TRIM33: variants seen among roughly 807,000 people sequenced by gnomAD.
The protein encoded by TRIM33 is E3 ubiquitin-protein ligase TRIM33.
TRIM33 carries 20 observed loss-of-function variants against 125.4 expected under a neutral mutation model. The ratio of observed to expected loss-of-function variants is 0.16; its 90% confidence interval spans 0.11 to 0.23. The LOEUF (loss-of-function observed/expected upper bound fraction) is 0.23, where lower values mean the gene tolerates loss of function less well. Among genes scored for constraint, TRIM33 ranks in the 10% least tolerant of loss-of-function variants. The probability of loss-of-function intolerance (pLI) is 1.00; values close to 1 mark genes in which losing one functional copy is unlikely to be tolerated. For missense variants in TRIM33, 920 were observed against 1,411.4 expected, an observed-to-expected ratio of 0.65 and a Z score of 5.58; for synonymous variants, 564 against 513.9, an observed-to-expected ratio of 1.10 and a Z score of -1.32.
At chr1:114,468,653 A>C (rs1650453451) in intron 1 of TRIM33, 3 of 432,134 alleles carry the variant, frequency 6.9e-6, no homozygotes, top group South Asian at 5.3e-5. Context: ...CAGCTGAACC[A>C]GAGTATGACC....
At chr1:114,415,965 A>G (rs1354317801) in intron 11 of TRIM33, among the ~76,000 whole-genome samples, 4 of 150,168 alleles carry the variant, frequency 2.7e-5, no homozygotes, top group South Asian at 2.1e-4. Context: ...AAAAAAAAAA[A>G]GCACAACAGC....
intron 1 of TRIM33, 61 bp from the exon 2 acceptor site, chr1:114,464,449 T>G: frequency 1.1e-6 from 1 of 943,234 alleles, no homozygotes; most frequent in Non-Finnish European, 1.6e-6. Context: ...TTGTGCATGA[T>G]GTCCATATAG....
chr1:114,463,383 T>C lies in TRIM33; in HGVS notation c.790+29A>G, dbSNP rs377058884. The stretch of plus-strand genomic sequence containing the variant: ...AAAAGAAGGAGGTTAACTGTAATCA[T>C]TGTAATGATTACAATGCATCTATCT... On this transcript the variant is annotated intron_variant, in intron 3 of 19. Transcript: ENST00000358465. 1.6e-4 allele frequency: 260 copies of C among 1,600,390 alleles called. No homozygotes were observed. In the African/African-American group the frequency reaches 2.3e-3, roughly 14 times the overall value.
chr1:114,410,107 G>C, intron 12 of TRIM33, 77 bp downstream of exon 12: 3 of 1,531,838 alleles, frequency 2.0e-6, no homozygotes, highest in South Asian at 1.1e-5. Flanking sequence ...TGTTTTTCTG[G>C]AGAATTCTGA....
intron 6 of TRIM33, among the ~76,000 whole-genome samples, chr1:114,428,481 T>G (rs956799729): frequency 6.6e-6 from 1 of 151,940 alleles, no homozygotes; most frequent in African/African-American, 2.4e-5. Flanking sequence ...AAAGGAAAAA[T>G]AAACTGCTTT....
At chr1:114,493,390 A>T (rs1185188155) in intron 1 of TRIM33, among the ~76,000 whole-genome samples, 4 of 152,114 alleles carry the variant, frequency 2.6e-5, no homozygotes, top group Non-Finnish European at 5.9e-5. Context: ...TTACATTTTG[A>T]TCAAGTCCGA....
intron 15 of TRIM33, among the ~76,000 whole-genome samples, chr1:114,403,425 C>T (rs142739038): frequency 1.3e-5 from 2 of 152,162 alleles, no homozygotes; most frequent in African/African-American, 4.8e-5. Context: ...GGCTGGAGGG[C>T]AGTGGCATAA....
Position 114,425,548 on chromosome 1 carries a change from T to C in TRIM33, c.1596A>G (p.Gln532=), listed in dbSNP as rs765638589. ...QVYAQKHQQL[Q]QMRMQQPPAP... ...CTGGTGGTTGCTGCATCCTCATCTG[T>C]TGCAACTGCTGATGTTTCTGTGCAT... is the stretch of plus-strand genomic sequence containing the variant. The change falls in exon 9 of 20, where the codon CAA becomes CAG. Residue 532 remains glutamine, a synonymous_variant. Transcript: ENST00000358465. 8 of 1,614,038 alleles carry C rather than the reference T, an allele frequency of 5.0e-6. No homozygotes were observed. In the East Asian group the frequency reaches 1.8e-4, roughly 36 times the overall value.
chr1:114,408,662 T>C lies in TRIM33; in HGVS notation c.2258+15A>G. Reference sequence around the variant, plus strand: ...TCTTAACAAAAAGGAAAAAAATAATTATCAATATACTCACCTGCCTCGACT... The same window carrying C: ...TCTTAACAAAAAGGAAAAAAATAATCATCAATATACTCACCTGCCTCGACT... On this transcript the variant is annotated intron_variant, in intron 13 of 19. Coordinates refer to ENST00000358465, the MANE Select transcript of TRIM33 (RefSeq NM_015906.4). 6.5e-7 allele frequency: 1 copy of C among 1,548,740 alleles called. No individual in the cohort carries two copies. Among genetic ancestry groups the C allele is most frequent in the South Asian group, 1.2e-5 (1 of 84,898 alleles).
At chr1:114,436,218 T>C (rs1226535450) in intron 4 of TRIM33, among the ~76,000 whole-genome samples, 6 of 151,254 alleles carry the variant, frequency 4.0e-5, no homozygotes, top group Non-Finnish European at 8.8e-5. Flanking sequence ...CTGGACAACA[T>C]GGTGAAACCC....
chr1:114,416,205 G>A (rs115564666), intron 11 of TRIM33, among the ~76,000 whole-genome samples: 1,938 of 152,142 alleles, frequency 0.013, 22 homozygotes, highest in Middle Eastern at 0.044. Context: ...CTAATAAAAG[G>A]ATTCCATATT....
intron 11 of TRIM33, among the ~76,000 whole-genome samples, chr1:114,412,824 C>T (rs551271482): frequency 1.3e-5 from 2 of 152,114 alleles, no homozygotes; most frequent in Admixed American, 6.5e-5. Flanking sequence ...CATTTGAGTA[C>T]GAATCTTTGT....
intron 1 of TRIM33, among the ~76,000 whole-genome samples, chr1:114,497,914 T>C (rs1652469278): frequency 1.3e-5 from 2 of 148,926 alleles, no homozygotes; most frequent in South Asian, 4.3e-4. Context: ...ATAAAGGGAA[T>C]AGAAGATAAA....
intron 5 of TRIM33, among the ~76,000 whole-genome samples, chr1:114,433,158 A>C (rs1181040736): frequency 1.3e-5 from 2 of 152,244 alleles, no homozygotes; most frequent in East Asian, 1.9e-4. Context: ...GCAACAGCTA[A>C]AATCTAACTG....
chr1:114,413,310 G>A (rs1389643389), intron 11 of TRIM33, among the ~76,000 whole-genome samples: 8 of 152,124 alleles, frequency 5.3e-5, no homozygotes, highest in Admixed American at 5.2e-4. Flanking sequence ...TGTAATCCCA[G>A]CACTTTAGGA....
chr1:114,399,400 C>T (rs923554634), intron 18 of TRIM33, 57 bp downstream of exon 18: 15 of 1,509,708 alleles, frequency 9.9e-6, no homozygotes, highest in Middle Eastern at 1.8e-4. Context: ...AAAAATAAAA[C>T]AAGGAAACAA....
intron 4 of TRIM33, among the ~76,000 whole-genome samples, chr1:114,446,388 G>A (rs1390591919): frequency 5.3e-5 from 8 of 151,198 alleles, no homozygotes; most frequent in African/African-American, 1.7e-4. Flanking sequence ...TTTTTTTTAA[G>A]TATTGTATGT....
chr1:114,477,999 G>C (rs1341780664), intron 1 of TRIM33, among the ~76,000 whole-genome samples: 1 of 152,032 alleles, frequency 6.6e-6, no homozygotes, highest in Non-Finnish European at 1.5e-5. Context: ...ATGGCACAAG[G>C]GAAAGCAAAT....
Position 114,424,707 on chromosome 1 carries a change from A to G in TRIM33, c.1744T>C (p.Cys582Arg). The G allele has an allele frequency of 1.2e-6, 2 of 1,609,934 alleles. No homozygotes were observed. Among genetic ancestry groups the G allele is most frequent in the Non-Finnish European group, 1.7e-6 (2 of 1,177,802 alleles). Residue 582 changes from cysteine (C) to arginine (R), a missense_variant, in exon 10 of 20, where the codon TGT becomes CGT. Coordinates refer to ENST00000358465, the MANE Select transcript of TRIM33 (RefSeq NM_015906.4). Reference protein sequence around the residue: ...VQTMQRGNMNCGAFQAHQMRL... With the variant: ...VQTMQRGNMNRGAFQAHQMRL... ...ATCTGATGGGCTTGAAAAGCTCCAC[A>G]GTTCATGTTGCCTCTTTGCATTGTT...
Sources: gnomAD v4.1 joint callset for allele counts (sites outside exome capture counted in the v4.1 genomes callset) on GRCh38, gnomAD v4.1.1 for gene constraint, MANE v1.5 for transcripts, NCBI Gene and HGNC (gene_info 2026-07-23, HGNC 2026-07-21) for gene names.